The following SOX5 variants were observed in gnomAD, a reference collection of about 807,000 sequenced individuals.
The protein encoded by SOX5 is SRY-box transcription factor 5.
A neutral mutation model predicts 92.0 loss-of-function variants in SOX5; 9 were observed. The ratio of observed to expected loss-of-function variants is 0.10; its 90% CI spans 0.06 to 0.17. The LOEUF (loss-of-function observed/expected upper bound fraction) is 0.17, where lower values mean the gene tolerates loss of function less well. SOX5 is among the 10% of genes least tolerant of loss of function. The pLI is 1.00. For missense variants in SOX5, 642 were observed against 944.5 expected (o/e 0.68, Z 4.20); for synonymous variants, 344 against 336.3 (o/e 1.02, Z -0.25).
intron 6 of SOX5, among the ~76,000 whole-genome samples, chr12:23,729,290 C>T (rs1319701158): frequency 1.3e-5 from 2 of 152,134 alleles, no homozygotes; most frequent in African/African-American, 4.8e-5. Flanking sequence ...GATCACACGG[C>T]AGATATCAGA....
At position 24,157,225 on chromosome 12, in the gene SOX5, A is replaced by T. The variant is rs569341795; in HGVS notation, c.-2+56118T>A. Among the ~76,000 whole-genome samples, 13 of 152,250 alleles carry T rather than the reference A, an allele frequency of 8.5e-5. No homozygotes were observed. The South Asian group carries it at 2.7e-3, about 32-fold the overall frequency. Reference sequence around the variant, plus strand: ...CATTTTAAACTTCTTAAAATGTATAAATATTTGATTAAGTAAATATAAATC... The same window carrying T: ...CATTTTAAACTTCTTAAAATGTATATATATTTGATTAAGTAAATATAAATC... On this transcript the variant is annotated intron_variant, in intron 4 of 4. Coordinates refer to the SOX5 transcript ENST00000446891.
chr12:24,351,506 G>A (rs1954080034), intron 2 of SOX5, among the ~76,000 whole-genome samples: 1 of 152,230 alleles, frequency 6.6e-6, no homozygotes, highest in Non-Finnish European at 1.5e-5. Flanking sequence ...TTAGCAGTTT[G>A]TAGAGAGGCA....
chr12:24,066,955 A>T (rs1374134921), intron 4 of SOX5, among the ~76,000 whole-genome samples: 1 of 152,192 alleles, frequency 6.6e-6, no homozygotes, highest in Admixed American at 6.5e-5. Context: ...AAAGGAAAAG[A>T]GTCACTTTCT....
At position 24,461,459 on chromosome 12, in the gene SOX5, T is replaced by C. The variant is rs144666732; in HGVS notation, c.-250-92820A>G. 7.2e-5 allele frequency among the ~76,000 whole-genome samples: 11 copies of C among 152,328 alleles called. No homozygotes were observed. In the East Asian group the frequency reaches 2.1e-3, roughly 29 times the overall value. ...AAAACCATGGGTCATCATGTCATTG[T>C]ATATTATATTCTATCTCTGTTAAAA... On this transcript the variant is annotated intron_variant, in intron 1 of 4. Transcript: ENST00000446891.
chr12:24,149,215 A>G (rs982206801), intron 4 of SOX5, among the ~76,000 whole-genome samples: 1 of 152,182 alleles, frequency 6.6e-6, no homozygotes. Context: ...AAAAGAAAAA[A>G]TAAGTTGATT....
chr12:23,546,211 A>G, intron 12 of SOX5, 105 bp downstream of exon 12: 1 of 667,132 alleles, frequency 1.5e-6, no homozygotes, highest in Non-Finnish European at 2.7e-6. Context: ...TATTGTAATG[A>G]TGAGGTATGA....
intron 2 of SOX5, among the ~76,000 whole-genome samples, chr12:24,312,141 T>C (rs2140807459): frequency 6.6e-6 from 1 of 152,338 alleles, no homozygotes; most frequent in Admixed American, 6.5e-5. Flanking sequence ...CTCCCACTGA[T>C]GACAAATATG....
chr12:24,132,575 G>A (rs1949749330), intron 4 of SOX5, among the ~76,000 whole-genome samples: 1 of 152,114 alleles, frequency 6.6e-6, no homozygotes, highest in South Asian at 2.1e-4. Flanking sequence ...TAGAAATACA[G>A]TATCCGTATA....
intron 9 of SOX5, among the ~76,000 whole-genome samples, chr12:23,589,013 G>C (rs556620076): frequency 1.3e-3 from 191 of 151,886 alleles, no homozygotes; most frequent in Non-Finnish European, 2.3e-3. Context: ...ATACTATCTA[G>C]GTTTGTATAA....
At chr12:24,464,341 G>A (rs1490771629) in intron 1 of SOX5, among the ~76,000 whole-genome samples, 2 of 95,112 alleles carry the variant, frequency 2.1e-5, no homozygotes, top group African/African-American at 4.2e-5. Context: ...TTTTTTTTTT[G>A]AGACGGAGTC....
chr12:24,153,059 T>G (rs1384004860), intron 4 of SOX5, among the ~76,000 whole-genome samples: 3 of 152,126 alleles, frequency 2.0e-5, no homozygotes, highest in Non-Finnish European at 4.4e-5. Context: ...TCAGCAGATG[T>G]CTGGACCACT....
intron 2 of SOX5, among the ~76,000 whole-genome samples, chr12:23,855,126 T>C (rs781582045): frequency 2.8e-4 from 43 of 152,016 alleles, no homozygotes; most frequent in East Asian, 3.8e-4. Context: ...AAGCCCTTTC[T>C]TTCATCCACT....
At chr12:23,790,399 G>A (rs529931741) in intron 3 of SOX5, among the ~76,000 whole-genome samples, 18 of 152,058 alleles carry the variant, frequency 1.2e-4, no homozygotes, top group Admixed American at 9.2e-4. Context: ...TCAAGAACTC[G>A]ATACCATACA....
intron 3 of SOX5, among the ~76,000 whole-genome samples, chr12:23,765,619 T>A (rs1438113469): frequency 6.6e-6 from 1 of 152,044 alleles, no homozygotes; most frequent in Non-Finnish European, 1.5e-5. Flanking sequence ...TAGTTATGTA[T>A]AATCTTTTGA....
At chr12:24,004,819 T>C (rs778745221) in intron 4 of SOX5, among the ~76,000 whole-genome samples, 1 of 152,102 alleles carries the variant, frequency 6.6e-6, no homozygotes, top group African/African-American at 2.4e-5. Context: ...GTGAATGTCA[T>C]AGCAGCATTA....
At chr12:23,773,038 G>A (rs1236738235) in intron 3 of SOX5, among the ~76,000 whole-genome samples, 2 of 152,098 alleles carry the variant, frequency 1.3e-5, no homozygotes, top group Admixed American at 1.3e-4. Context: ...CAAAGTGTAG[G>A]AGAAACATTA....
intron 4 of SOX5, among the ~76,000 whole-genome samples, chr12:24,096,029 T>A (rs766341785): frequency 1.3e-5 from 2 of 152,202 alleles, no homozygotes; most frequent in Non-Finnish European, 2.9e-5. Flanking sequence ...GTCATTCTTA[T>A]TGATTAGCAC....
chr12:24,161,076 G>T (rs1421006522), intron 4 of SOX5, among the ~76,000 whole-genome samples: 1 of 152,036 alleles, frequency 6.6e-6, no homozygotes, highest in African/African-American at 2.4e-5. Flanking sequence ...CTGTGAAGTG[G>T]TGGGCTTAAC....
intron 3 of SOX5, among the ~76,000 whole-genome samples, chr12:23,826,582 G>T (rs2096238550): frequency 6.6e-6 from 1 of 151,946 alleles, no homozygotes; most frequent in Non-Finnish European, 1.5e-5. Flanking sequence ...TATTTATACT[G>T]CACTGCTCCC....
Sources: gnomAD v4.1 joint callset for allele counts (sites outside exome capture counted in the v4.1 genomes callset) on GRCh38, gnomAD v4.1.1 for gene constraint, MANE v1.5 for transcripts, NCBI Gene and HGNC (gene_info 2026-07-23, HGNC 2026-07-21) for gene names.